NAALADL2: variants seen among roughly 807,000 people sequenced by gnomAD.
NAALADL2 encodes the protein inactive N-acetylated-alpha-linked acidic dipeptidase-like protein 2.
NAALADL2 carries 76 observed loss-of-function variants against 87.2 expected under a neutral mutation model. The ratio of observed to expected loss-of-function variants is 0.87; its 90% confidence interval spans 0.72 to 1.05. NAALADL2 has a LOEUF of 1.05. NAALADL2 is among the 50% of genes least tolerant of loss of function. NAALADL2 has a pLI of 0.00. For missense variants in NAALADL2, 1,089 were observed against 945.8 expected (o/e 1.15, Z -1.99); for synonymous variants, 354 against 331.0 (o/e 1.07, Z -0.75).
intron 3 of NAALADL2, among the ~76,000 whole-genome samples, chr3:174,744,814 T>C (rs1213400218): frequency 2.6e-5 from 4 of 151,930 alleles, no homozygotes; most frequent in Admixed American, 1.3e-4. Context: ...CAGACAACTA[T>C]ATGGAAATTG....
At chr3:174,792,059 A>G (rs1476494705) in intron 3 of NAALADL2, among the ~76,000 whole-genome samples, 1 of 145,270 alleles carries the variant, frequency 6.9e-6, no homozygotes, top group Non-Finnish European at 1.6e-5. Context: ...AACAAAAAAC[A>G]AACAAACAAA....
chr3:174,938,615 T>C (rs772114849), intron 1 of NAALADL2, among the ~76,000 whole-genome samples: 3 of 152,144 alleles, frequency 2.0e-5, no homozygotes, highest in Non-Finnish European at 4.4e-5. Flanking sequence ...TTTTCCACAA[T>C]GGTTGAACTA....
intron 1 of NAALADL2, among the ~76,000 whole-genome samples, chr3:174,520,753 C>A (rs1720225505): frequency 1.3e-5 from 2 of 152,030 alleles, no homozygotes; most frequent in Admixed American, 1.3e-4. Context: ...ACGAAATAAC[C>A]AACAGAGGTA....
chr3:175,023,373 A>G (rs564025195), intron 1 of NAALADL2, among the ~76,000 whole-genome samples: 3 of 152,260 alleles, frequency 2.0e-5, no homozygotes, highest in South Asian at 4.1e-4. Context: ...CATTTATTCA[A>G]TAAGACAGAT....
At chr3:175,578,659 G>A (rs575198139) in intron 10 of NAALADL2, among the ~76,000 whole-genome samples, 1 of 152,282 alleles carries the variant, frequency 6.6e-6, no homozygotes, top group African/African-American at 2.4e-5. Context: ...AAATGGCCAA[G>A]ACAGATGTTG....
chr3:174,904,911 A>G (rs1732794321), intron 1 of NAALADL2, among the ~76,000 whole-genome samples: 1 of 151,778 alleles, frequency 6.6e-6, no homozygotes, highest in Non-Finnish European at 1.5e-5. Flanking sequence ...TAGTTTCAGT[A>G]TTAAATAATC....
intron 2 of NAALADL2, among the ~76,000 whole-genome samples, chr3:174,614,214 C>A (rs745615451): frequency 4.5e-4 from 68 of 152,246 alleles, no homozygotes; most frequent in Middle Eastern, 3.4e-3. Context: ...TGTTCCCCTC[C>A]CCCTGTTTAC....
At chr3:175,660,662 C>T (rs1268104839) in intron 11 of NAALADL2, among the ~76,000 whole-genome samples, 1 of 151,930 alleles carries the variant, frequency 6.6e-6, no homozygotes, top group Non-Finnish European at 1.5e-5. Context: ...TAATTTCTAC[C>T]CTTTTCCCTT....
At chr3:174,895,799 A>T (rs1014207746) in intron 1 of NAALADL2, among the ~76,000 whole-genome samples, 1 of 152,202 alleles carries the variant, frequency 6.6e-6, no homozygotes. Flanking sequence ...AAAATCCTCA[A>T]GAAAATACAA....
intron 2 of NAALADL2, among the ~76,000 whole-genome samples, chr3:174,644,215 G>C (rs1723548968): frequency 6.6e-6 from 1 of 152,186 alleles, no homozygotes; most frequent in African/African-American, 2.4e-5. Context: ...GAAACTGACA[G>C]AGTATGCAAT....
intron 1 of NAALADL2, among the ~76,000 whole-genome samples, chr3:174,996,742 G>T (rs1380811155): frequency 6.6e-6 from 1 of 152,076 alleles, no homozygotes; most frequent in African/African-American, 2.4e-5. Flanking sequence ...AGTCACCCAA[G>T]AAGTGCACAC....
At chr3:175,391,715 AAATGAGGGTGGAGACTTGTTATATGGC>A (rs1396892890) in intron 5 of NAALADL2, among the ~76,000 whole-genome samples, 1 of 152,188 alleles carries the variant, frequency 6.6e-6, no homozygotes, top group East Asian at 1.9e-4. Context: ...CTGAGTTTGC[AAATGAGGGTGGAGACTTGTTATATGGC>A]AATAGATAAC....
At chr3:174,737,324 G>A (rs372819633) in intron 2 of NAALADL2, among the ~76,000 whole-genome samples, 12 of 152,346 alleles carry the variant, frequency 7.9e-5, no homozygotes, top group East Asian at 5.8e-4. Context: ...GTTATGTTTA[G>A]CAGTGTGTGG....
At chr3:175,493,673 T>A (rs1261571762) in intron 9 of NAALADL2, among the ~76,000 whole-genome samples, 3 of 152,124 alleles carry the variant, frequency 2.0e-5, no homozygotes, top group Non-Finnish European at 4.4e-5. Context: ...TACCAAACAT[T>A]ATTATCTATG....
chr3:175,763,151 A>C (rs1282391455), intron 13 of NAALADL2, among the ~76,000 whole-genome samples: 1 of 151,974 alleles, frequency 6.6e-6, no homozygotes. Flanking sequence ...TTTCAAAATA[A>C]ATCTTGGGAC....
At chr3:175,637,112 G>A (rs1362502561) in intron 11 of NAALADL2, among the ~76,000 whole-genome samples, 1 of 152,220 alleles carries the variant, frequency 6.6e-6, no homozygotes, top group African/African-American at 2.4e-5. Flanking sequence ...AATTGCCAAT[G>A]TAATGAAATA....
intron 3 of NAALADL2, among the ~76,000 whole-genome samples, chr3:174,801,788 ATATATT>A (rs999755000): frequency 6.6e-6 from 1 of 151,934 alleles, no homozygotes; most frequent in Non-Finnish European, 1.5e-5. Flanking sequence ...AATATGATAT[ATATATT>A]CATTTTTTGA....
intron 1 of NAALADL2, among the ~76,000 whole-genome samples, chr3:175,065,863 T>C (rs1020227966): frequency 2.0e-5 from 3 of 152,222 alleles, no homozygotes; most frequent in Non-Finnish European, 4.4e-5. Flanking sequence ...CTGAATTTAG[T>C]TATGTAAGTT....
intron 10 of NAALADL2, among the ~76,000 whole-genome samples, chr3:175,609,193 ATC>A (rs1373271175): frequency 6.6e-6 from 1 of 152,012 alleles, no homozygotes. Flanking sequence ...TGGCCTCATC[ATC>A]ACAATTCAAC....
Sources: allele counts gnomAD v4.1 joint callset (sites outside exome capture counted in the v4.1 genomes callset), GRCh38; gene constraint gnomAD v4.1.1; transcripts MANE v1.5; gene names NCBI Gene and HGNC (gene_info 2026-07-23, HGNC 2026-07-21).